The following MAP1LC3B variants were observed in gnomAD, a reference collection of about 807,000 sequenced individuals.
MAP1LC3B encodes microtubule associated protein 1 light chain 3 beta, also known as microtubule-associated protein 1 light chain 3 beta.
A neutral mutation model predicts 16.7 loss-of-function variants in MAP1LC3B; 12 were observed. The ratio of observed to expected loss-of-function variants is 0.72; its 90% CI spans 0.46 to 1.16. MAP1LC3B has a LOEUF of 1.16. Among genes scored for constraint, MAP1LC3B ranks in the 50% most tolerant of loss-of-function variants. The pLI is 0.00. For synonymous variants in MAP1LC3B, 63 were observed against 56.5 expected (o/e 1.11, Z -0.51); for missense variants, 155 against 159.5 (o/e 0.97, Z 0.15).
intron 2 of MAP1LC3B, among the ~76,000 whole-genome samples, chr16:87,401,750 G>A (rs907871521): frequency 4.0e-5 from 6 of 151,896 alleles, no homozygotes; most frequent in East Asian, 1.9e-4. Context: ...GGCTGGTCTC[G>A]AACTCCTGAC....
At chr16:87,398,292 T>G (rs2150711450) in intron 1 of MAP1LC3B, among the ~76,000 whole-genome samples, 3 of 152,252 alleles carry the variant, frequency 2.0e-5, no homozygotes, top group Admixed American at 2.0e-4. Flanking sequence ...CCTCCCAAGG[T>G]GCTGGGATTA....
intron 2 of MAP1LC3B, among the ~76,000 whole-genome samples, chr16:87,400,930 C>T (rs958639770): frequency 3.3e-5 from 5 of 151,954 alleles, no homozygotes; most frequent in Admixed American, 6.6e-5. Context: ...GTCAGGGGTT[C>T]GAGACCAGCC....
intron 2 of MAP1LC3B, chr16:87,399,572 C>T: frequency 4.5e-6 from 2 of 447,540 alleles, no homozygotes; most frequent in Non-Finnish European, 4.5e-6. Flanking sequence ...CCATTCCTGC[C>T]ACTCAACTTC....
At chr16:87,395,852 C>CTTTTTTTTT (rs72388667) in intron 1 of MAP1LC3B, among the ~76,000 whole-genome samples, 2 of 53,836 alleles carry the variant, frequency 3.7e-5, no homozygotes, top group Non-Finnish European at 6.4e-5. Flanking sequence ...TCCTTCTTTC[C>CTTTTTTTTT]TTTTTTTTTT....
Position 87,404,634 on chromosome 16 carries a change from G to GT in MAP1LC3B, c.*1538dup, listed in dbSNP as rs1908114580. 6.6e-6 allele frequency: 1 copy of GT among 152,168 alleles called. No homozygotes were observed. Among genetic ancestry groups the GT allele is most frequent in the Non-Finnish European group, 1.5e-5 (1 of 68,046 alleles). The allele number at this position is 152,168 out of a possible 1,614,324, so 9.4% of individuals were successfully genotyped here. On this transcript the variant is annotated 3_prime_UTR_variant, in exon 4 of 4. Coordinates refer to ENST00000268607, the MANE Select transcript of MAP1LC3B (RefSeq NM_022818.5). ...CTACCGTGTGATCAGTAAGATTCCTGTAAGAAATACTGCTTTTTAAGAAAA... is the reference window on the plus strand; with the variant it reads ...CTACCGTGTGATCAGTAAGATTCCTGTTAAGAAATACTGCTTTTTAAGAAAA...
Position 87,392,437 on chromosome 16 carries a change from GAGA to G in MAP1LC3B, c.14_16del (p.Lys5del), listed in dbSNP as rs2150707856. The G allele has an allele frequency of 1.4e-6, 2 of 1,418,326 alleles. No homozygotes were observed. Among genetic ancestry groups the G allele is most frequent in the South Asian group, 2.9e-5 (2 of 68,586 alleles). The allele number at this position is 1,418,326 out of a possible 1,614,324, so 87.9% of individuals were successfully genotyped here. A position where few individuals can be genotyped will look rare whatever the true frequency, so the allele number is the denominator to read the frequency against. On this transcript the variant is annotated inframe_deletion, in exon 1 of 4. Transcript: ENST00000268607. ...CCCAGATCCCTGCACCATGCCGTCG[GAGA>G]AGACCTTCAAGCAGCGCCGCACCTT...
intron 1 of MAP1LC3B, among the ~76,000 whole-genome samples, chr16:87,394,193 T>G (rs1438450784): frequency 6.6e-6 from 1 of 152,172 alleles, no homozygotes; most frequent in Non-Finnish European, 1.5e-5. Context: ...CCCCTCCCCT[T>G]TAAATATCTC....
chr16:87,392,336 A>G lies in MAP1LC3B; in HGVS notation c.-92A>G, dbSNP rs145549507. On this transcript the variant is annotated 5_prime_UTR_variant, in exon 1 of 4. Coordinates refer to ENST00000268607, the MANE Select transcript of MAP1LC3B (RefSeq NM_022818.5). ...AGATACAAGGGAAGTGGCTATCGCC[A>G]GAGTCGGATTCGCCGCCGCAGCAGC... 0.022 allele frequency: 28,452 copies of G among 1,266,424 alleles called. 437 individuals carry two copies. Among genetic ancestry groups the G allele is most frequent in the South Asian group, 0.046 (2,628 of 57,234 alleles). 78.4% of individuals were successfully genotyped at this position (1,266,424 alleles called of 1,614,324 possible).
chr16:87,400,594 C>T (rs1242865115), intron 2 of MAP1LC3B, among the ~76,000 whole-genome samples: 1 of 152,046 alleles, frequency 6.6e-6, no homozygotes, highest in Non-Finnish European at 1.5e-5. Context: ...CTCTACTTGC[C>T]TTGTCAAATA....
chr16:87,401,057 CG>C (rs1205566790), intron 2 of MAP1LC3B, among the ~76,000 whole-genome samples: 1 of 148,920 alleles, frequency 6.7e-6, no homozygotes, highest in Non-Finnish European at 1.5e-5. Context: ...TGCTTGAACC[CG>C]GGAGTCGGAG....
chr16:87,392,560 C>G (rs1420937018), intron 1 of MAP1LC3B, 93 bp downstream of exon 1: 53 of 1,146,604 alleles, frequency 4.6e-5, no homozygotes, highest in Non-Finnish European at 5.7e-5. Context: ...GGGTCGGGGC[C>G]GAGCCGGGAG....
chr16:87,401,473 C>G (rs2150713179), intron 2 of MAP1LC3B, among the ~76,000 whole-genome samples: 1 of 152,322 alleles, frequency 6.6e-6, no homozygotes, highest in East Asian at 1.9e-4. Context: ...TTTCAAAGCC[C>G]ATTTTGGCAT....
At chr16:87,402,472 T>C (rs762488548) in intron 3 of MAP1LC3B, 191 bp downstream of exon 3, 13 of 623,698 alleles carry the variant, frequency 2.1e-5, no homozygotes, top group Non-Finnish European at 3.5e-5. Flanking sequence ...TTTGAGGTTT[T>C]ATATTACTTG....
intron 3 of MAP1LC3B, 84 bp from the exon 4 acceptor site, chr16:87,402,839 G>C (rs1472006013): frequency 6.7e-6 from 10 of 1,497,216 alleles, no homozygotes; most frequent in East Asian, 2.3e-5. Context: ...ATATTTTACC[G>C]ATCAGAGTGG....
chr16:87,400,704 C>CT lies in MAP1LC3B; in HGVS notation c.97-1456dup, dbSNP rs764527064. On this transcript the variant is annotated intron_variant, in intron 2 of 3. Transcript: ENST00000268607. ...ACATTTATTAAAACACAGGCATTTA[C>CT]TTTTTTTTTTTTTTTAATGGATGAA... Among the ~76,000 whole-genome samples the CT allele has an allele frequency of 3.2e-3, 442 of 139,082 alleles. 1 individual carries two copies. The highest frequency in any genetic ancestry group is 0.021 in the East Asian group (99 of 4,802). The allele number at this position is 139,082 out of a possible 152,430, so 91.2% of individuals were successfully genotyped here.
At position 87,403,887 on chromosome 16, in the gene MAP1LC3B, GTGT is replaced by G. The variant is rs1171040864; in HGVS notation, c.*795_*797del. ...TTTGTCTGAGTTCAAACTAGTGCCT[GTGT>G]TGTTACGGAAAGCAGCAGTGTACCA... On this transcript the variant is annotated 3_prime_UTR_variant, in exon 4 of 4. Coordinates refer to ENST00000268607, the MANE Select transcript of MAP1LC3B (RefSeq NM_022818.5). 6.6e-6 allele frequency: 1 copy of G among 152,268 alleles called. No individual in the cohort carries two copies. Among genetic ancestry groups the G allele is most frequent in the African/African-American group, 2.4e-5 (1 of 41,470 alleles). 9.4% of individuals were successfully genotyped at this position (152,268 alleles called of 1,614,324 possible).
Position 87,402,986 on chromosome 16 carries a change from C to T in MAP1LC3B, c.267C>T (p.Val89=), listed in dbSNP as rs1348376329. The T allele has an allele frequency of 1.6e-5, 26 of 1,613,898 alleles. No individual in the cohort carries two copies. Among genetic ancestry groups the T allele is most frequent in the African/African-American group, 2.7e-5 (2 of 74,922 alleles). ...TGTTGGTGAACGGACACAGCATGGT[C>T]AGCGTCTCCACACCAATCTCAGAGG... The part of the protein sequence containing the change: ...FFLLVNGHSM[V]SVSTPISEVY... Residue 89 remains valine (V), a synonymous_variant, in exon 4 of 4, where the codon GTC becomes GTT. Transcript: ENST00000268607.
intron 1 of MAP1LC3B, among the ~76,000 whole-genome samples, chr16:87,395,852 CTTTTTTTTTTTTT>C (rs72388667): frequency 3.7e-5 from 2 of 53,844 alleles, no homozygotes; most frequent in Non-Finnish European, 6.4e-5. Context: ...TCCTTCTTTC[CTTTTTTTTTTTTT>C]TTTTTTTTTT....
rs1472561487 is a variant in MAP1LC3B, at chr16:87,403,976, C to G, written c.*879C>G. The G allele has an allele frequency of 1.3e-5, 2 of 152,116 alleles. No homozygotes were observed. Among genetic ancestry groups the G allele is most frequent in the Non-Finnish European group, 2.9e-5 (2 of 68,040 alleles). 9.4% of individuals were successfully genotyped at this position (152,116 alleles called of 1,614,324 possible). On this transcript the variant is annotated 3_prime_UTR_variant, in exon 4 of 4. Coordinates refer to ENST00000268607, the MANE Select transcript of MAP1LC3B (RefSeq NM_022818.5). ...TAGTATAACTGAAAACATTAACATT[C>G]AGACACACTCCCTTCTGCCTTCCGG...
Sources: allele counts gnomAD v4.1 joint callset (sites outside exome capture counted in the v4.1 genomes callset), GRCh38; gene constraint gnomAD v4.1.1; transcripts MANE v1.5; gene names NCBI Gene and HGNC (gene_info 2026-07-23, HGNC 2026-07-21).